The following SRFBP1 variants were observed in gnomAD, a reference collection of about 807,000 sequenced individuals.
The protein encoded by SRFBP1 is serum response factor binding protein 1, also known as serum response factor-binding protein 1.
In SRFBP1, 47 loss-of-function variants were observed where a neutral mutation model predicts 45.5. The ratio of observed to expected loss-of-function variants is 1.03; its 90% CI spans 0.82 to 1.32. The LOEUF (loss-of-function observed/expected upper bound fraction) is 1.32, where lower values mean the gene tolerates loss of function less well. Ranked by LOEUF, SRFBP1 falls within the 40% of genes most tolerant of loss-of-function variation. SRFBP1 has a pLI of 0.00. For synonymous variants in SRFBP1, 203 were observed against 166.3 expected (o/e 1.22, Z -1.70); for missense variants, 621 against 484.6 (o/e 1.28, Z -2.64).
chr5:122,019,356 A>G lies in SRFBP1; in HGVS notation c.352+15A>G. The G allele has an allele frequency of 1.3e-6, 2 of 1,594,302 alleles. No individual in the cohort carries two copies. The highest frequency in any genetic ancestry group is 1.7e-6 in the Non-Finnish European group (2 of 1,165,124). ...TGTGCTAAAAGGTATGAATTAAATG[A>G]CTTTTAAGCCATGTACTTAATGTAT... On this transcript the variant is annotated intron_variant, in intron 5 of 7. Coordinates refer to ENST00000339397, the MANE Select transcript of SRFBP1 (RefSeq NM_152546.3).
At chr5:121,985,805 T>C (rs1475974275) in intron 3 of SRFBP1, among the ~76,000 whole-genome samples, 1 of 151,898 alleles carries the variant, frequency 6.6e-6, no homozygotes, top group African/African-American at 2.4e-5. Flanking sequence ...AATTTATTTT[T>C]GTGGGGGGTT....
chr5:121,965,729 AG>A (rs1184771656), intron 1 of SRFBP1, among the ~76,000 whole-genome samples: 1 of 152,204 alleles, frequency 6.6e-6, no homozygotes, highest in African/African-American at 2.4e-5. Flanking sequence ...CTGTGAAGAA[AG>A]TCAATGGTAG....
At chr5:122,062,089 A>T (rs1013102973) in intron 2 of SRFBP1, among the ~76,000 whole-genome samples, 4 of 151,956 alleles carry the variant, frequency 2.6e-5, no homozygotes, top group African/African-American at 9.7e-5. Flanking sequence ...TTACTGCAGG[A>T]TTTCTCAGAC....
At chr5:122,015,808 TA>T (rs1445649007) in intron 4 of SRFBP1, among the ~76,000 whole-genome samples, 1 of 152,198 alleles carries the variant, frequency 6.6e-6, no homozygotes, top group Non-Finnish European at 1.5e-5. Flanking sequence ...GTAAGATGTT[TA>T]TGTACTGTAT....
chr5:122,050,430 G>A (rs1356959475), intron 2 of SRFBP1, among the ~76,000 whole-genome samples: 2 of 152,150 alleles, frequency 1.3e-5, no homozygotes, highest in South Asian at 4.1e-4. Context: ...ACTTATTATT[G>A]GTCTATTCAG....
chr5:121,972,994 C>G (rs1752231131), intron 1 of SRFBP1, among the ~76,000 whole-genome samples: 1 of 151,736 alleles, frequency 6.6e-6, no homozygotes, highest in Non-Finnish European at 1.5e-5. Context: ...CTAATATCTT[C>G]AGTGAATAAG....
rs184302098 is a variant in SRFBP1 at position 122,011,274 on chromosome 5, A to C, written c.271-7986A>C. Among the ~76,000 whole-genome samples the C allele has an allele frequency of 3.0e-3, 450 of 152,286 alleles. 2 individuals carry two copies. The highest frequency in any genetic ancestry group is 0.01 in the African/African-American group (424 of 41,582). On this transcript the variant is annotated intron_variant, in intron 4 of 7. Transcript: ENST00000339397. The stretch of plus-strand genomic sequence containing the variant: ...CAATAAATACCCATATACCCAAATA[A>C]AAATTTTCCATTAAAAGGTAAGGTG...
chr5:122,056,116 G>A (rs1050280746), intron 2 of SRFBP1, among the ~76,000 whole-genome samples: 6 of 152,056 alleles, frequency 3.9e-5, no homozygotes, highest in Non-Finnish European at 7.4e-5. Flanking sequence ...TTTTCTTTTT[G>A]TCCATTCTCC....
intron 2 of SRFBP1, among the ~76,000 whole-genome samples, chr5:122,039,219 G>A (rs780317373): frequency 2.6e-5 from 4 of 152,138 alleles, no homozygotes; most frequent in Admixed American, 6.5e-5. Flanking sequence ...TGCTGGGCCT[G>A]GTGGCAGGGG....
In SRFBP1 at chr5:122,027,808, T is replaced by C. The variant is rs1580534954; in HGVS notation, c.*682T>C. 6.6e-6 allele frequency: 1 copy of C among 152,304 alleles called. No individual in the cohort carries two copies. The highest frequency in any genetic ancestry group is 2.4e-5 in the African/African-American group (1 of 41,576). The allele number at this position is 152,304 out of a possible 1,614,324, so 9.4% of individuals were successfully genotyped here. A position where few individuals can be genotyped will look rare whatever the true frequency, so the allele number is the denominator to read the frequency against. ...ACTTTTTGATTCTAAAATAGTTGTC[T>C]AGGACAATTTTGGGATTCTTAATTA... On this transcript the variant is annotated 3_prime_UTR_variant, in exon 8 of 8. Transcript: ENST00000339397.
At position 122,045,781 on chromosome 5, in the gene SRFBP1, T is replaced by C. The variant is rs185231910; in HGVS notation, n.311+23374T>C. On this transcript the variant is annotated intron_variant and non_coding_transcript_variant, in intron 2 of 2. Transcript: ENST00000504881. ...CAGAGATGGTGGGGTTTTCTAGATA[T>C]AGAATCATGTCATCTGCAAACAGAA... 5.3e-5 allele frequency among the ~76,000 whole-genome samples: 8 copies of C among 152,340 alleles called. No homozygotes were observed. In the East Asian group the frequency reaches 7.7e-4, roughly 15 times the overall value.
chr5:122,045,669 T>A (rs1246601208), intron 2 of SRFBP1, among the ~76,000 whole-genome samples: 7 of 152,162 alleles, frequency 4.6e-5, no homozygotes, highest in African/African-American at 1.2e-4. Context: ...ATGTCACTGG[T>A]GTATAGGAAT....
At chr5:121,998,101 G>C (rs1189750745) in intron 4 of SRFBP1, among the ~76,000 whole-genome samples, 1 of 151,746 alleles carries the variant, frequency 6.6e-6, no homozygotes, top group Non-Finnish European at 1.5e-5. Context: ...GTGGAAGTCA[G>C]TGTGGCGATT....
rs567222696 is a variant in SRFBP1, at chr5:121,966,267, C to T, written c.36+4199C>T. ...AGATTAAAGTTTGTTGTTATTCTTG[C>T]GAAGTAAAGTAAAAATTTATCTTTA... On this transcript the variant is annotated intron_variant, in intron 1 of 7. Transcript: ENST00000339397. 2.6e-5 allele frequency among the ~76,000 whole-genome samples: 4 copies of T among 152,156 alleles called. No individual in the cohort carries two copies. In the South Asian group the frequency reaches 6.2e-4, roughly 24 times the overall value.
At chr5:122,015,051 A>G (rs984524067) in intron 4 of SRFBP1, among the ~76,000 whole-genome samples, 2 of 152,220 alleles carry the variant, frequency 1.3e-5, no homozygotes, top group East Asian at 1.9e-4. Flanking sequence ...TTTAGAAACT[A>G]TAAGAGGTAA....
At chr5:121,971,015 G>A (rs1257663019) in intron 1 of SRFBP1, among the ~76,000 whole-genome samples, 1 of 151,878 alleles carries the variant, frequency 6.6e-6, no homozygotes, top group Non-Finnish European at 1.5e-5. Context: ...GTTGACATGG[G>A]AAAAAAGAAC....
At chr5:122,023,915 T>A (rs2079134055) in intron 7 of SRFBP1, among the ~76,000 whole-genome samples, 1 of 152,206 alleles carries the variant, frequency 6.6e-6, no homozygotes, top group Non-Finnish European at 1.5e-5. Flanking sequence ...TGTGTTTTGT[T>A]TTATTTTTCC....
intron 2 of SRFBP1, among the ~76,000 whole-genome samples, chr5:122,050,020 A>G (rs945877502): frequency 6.6e-6 from 1 of 152,108 alleles, no homozygotes; most frequent in Non-Finnish European, 1.5e-5. Flanking sequence ...TATTATTTGT[A>G]GTTCTGCTTA....
chr5:121,997,616 A>G (rs1051897859), intron 4 of SRFBP1, among the ~76,000 whole-genome samples: 2 of 151,774 alleles, frequency 1.3e-5, no homozygotes, highest in Non-Finnish European at 2.9e-5. Context: ...CAAGGACTTC[A>G]TATCCAAAAC....
Sources: gnomAD v4.1 joint callset for allele counts (sites outside exome capture counted in the v4.1 genomes callset) on GRCh38, gnomAD v4.1.1 for gene constraint, MANE v1.5 for transcripts, NCBI Gene and HGNC (gene_info 2026-07-23, HGNC 2026-07-21) for gene names.